Variants in MAP7D2 observed in about 807,000 individuals in gnomAD.
MAP7D2 encodes the protein MAP7 domain-containing protein 2.
Under a neutral mutation model 63.5 loss-of-function variants are expected in MAP7D2, and 33 were observed. The observed-to-expected ratio is 0.52, with a 90% CI of 0.39 to 0.70. The LOEUF is 0.70. MAP7D2 is among the 30% of genes least tolerant of loss of function. The pLI is 0.00. For missense variants in MAP7D2, 626 were observed against 604.0 expected (o/e 1.04, Z -0.38); for synonymous variants, 224 against 223.7 (o/e 1.00, Z -0.01).
chrX:20,109,266 A>G (rs2066661207), intron 1 of MAP7D2, among the ~76,000 whole-genome samples: 1 of 110,035 alleles, frequency 9.1e-6, no homozygotes, highest in African/African-American at 3.3e-5. Context: ...TCACGCCTAT[A>G]ATCCCAGCAC....
chrX:20,096,492 C>T (rs983883586), intron 1 of MAP7D2, among the ~76,000 whole-genome samples: 3 of 105,642 alleles, frequency 2.8e-5, no homozygotes, highest in Admixed American at 1.0e-4. Flanking sequence ...ACATACAACA[C>T]GAATGAACCT....
At chrX:20,049,919 CAT>C in intron 6 of MAP7D2, 4 of 299,243 alleles carry the variant, frequency 1.3e-5, no homozygotes, top group South Asian at 1.3e-4. Context: ...TTTTGATTTG[CAT>C]TTCCCTAATG....
chrX:20,109,161 C>T (rs1367317156), intron 1 of MAP7D2, among the ~76,000 whole-genome samples: 1 of 107,689 alleles, frequency 9.3e-6, no homozygotes, highest in African/African-American at 3.4e-5. Flanking sequence ...ATGTGGGAGA[C>T]ACAGCTCATG....
At chrX:20,107,166 T>C (rs2066592656) in intron 1 of MAP7D2, among the ~76,000 whole-genome samples, 1 of 110,746 alleles carries the variant, frequency 9.0e-6, no homozygotes. Context: ...TGGAGAGGAT[T>C]GTGAGGGACC....
intron 8 of MAP7D2, among the ~76,000 whole-genome samples, chrX:20,039,424 C>T (rs1480967414): frequency 8.9e-6 from 1 of 112,044 alleles, no homozygotes; most frequent in Non-Finnish European, 1.9e-5. Context: ...GATTGGTATG[C>T]TTCCAGTTGT....
At chrX:20,032,813 C>T (rs1454465631) in intron 8 of MAP7D2, among the ~76,000 whole-genome samples, 1 of 112,099 alleles carries the variant, frequency 8.9e-6, no homozygotes, top group Non-Finnish European at 1.9e-5. Context: ...ATACAGCAGA[C>T]AAGTAAGGCT....
In MAP7D2 at chrX:20,082,671, G is replaced by A. The variant is rs190486657; in HGVS notation, c.131-17866C>T. On this transcript the variant is annotated intron_variant, in intron 1 of 16. Transcript: ENST00000379643. ...TGAGACGGAGTCTCGCACTGTTGTC[G>A]GGGCTGCAGTGCAATGGCGCGATCT... Among the ~76,000 whole-genome samples, 187 of 111,677 alleles carry A rather than the reference G, an allele frequency of 1.7e-3. 1 individual carries two copies. Among genetic ancestry groups the A allele is most frequent in the Admixed American group, 0.016 (167 of 10,520 alleles).
chrX:20,088,716 G>T (rs1047503195), intron 1 of MAP7D2, among the ~76,000 whole-genome samples: 3 of 109,899 alleles, frequency 2.7e-5, no homozygotes, highest in Non-Finnish European at 5.7e-5. Context: ...TTGAAGAAAA[G>T]AAGATTTAAT....
At chrX:20,066,425 T>C (rs2065364361) in intron 1 of MAP7D2, among the ~76,000 whole-genome samples, 1 of 111,715 alleles carries the variant, frequency 9.0e-6, no homozygotes, top group African/African-American at 3.3e-5. Context: ...AAACACTGGA[T>C]TGTCATGATT....
intron 4 of MAP7D2, 36 bp downstream of exon 4, chrX:20,056,644 C>T (rs773604247): frequency 1.8e-6 from 2 of 1,130,839 alleles, no homozygotes; most frequent in Admixed American, 4.4e-5. Context: ...TATTTCCCAC[C>T]CAGGACCTGA....
intron 1 of MAP7D2, chrX:20,116,484 C>T (rs1260350518): frequency 1.3e-6 from 1 of 764,201 alleles, no homozygotes; most frequent in Middle Eastern, 6.4e-4. Context: ...CCATCCCAAA[C>T]ACACCTGCCG....
intron 1 of MAP7D2, among the ~76,000 whole-genome samples, chrX:20,107,415 A>C (rs895033696): frequency 9.0e-6 from 1 of 110,800 alleles, no homozygotes; most frequent in Non-Finnish European, 1.9e-5. Context: ...TACTAAAAAT[A>C]CAAAAATTAG....
chrX:20,099,594 T>C (rs2066374034), intron 1 of MAP7D2, among the ~76,000 whole-genome samples: 1 of 112,018 alleles, frequency 8.9e-6, no homozygotes, highest in African/African-American at 3.2e-5. Context: ...TCTGCAGACA[T>C]TCCAACCTCA....
Position 20,011,503 on chromosome X carries a change from T to C in MAP7D2, c.2073-451A>G, listed in dbSNP as rs187689061. 3.9e-3 allele frequency among the ~76,000 whole-genome samples: 438 copies of C among 112,597 alleles called. 2 individuals carry two copies. Among genetic ancestry groups the C allele is most frequent in the African/African-American group, 0.013 (409 of 31,031 alleles). On this transcript the variant is annotated intron_variant, in intron 15 of 16. Transcript: ENST00000379643. ...TCTAGTAGTGCCACCTTGGGCGAAT[T>C]GCTTTTCCTTCCTGCAGCCTCAGTT...
At chrX:20,018,718 C>T (rs966707513) in intron 10 of MAP7D2, among the ~76,000 whole-genome samples, 2 of 111,166 alleles carry the variant, frequency 1.8e-5, no homozygotes, top group African/African-American at 6.5e-5. Context: ...GCTGGGATTA[C>T]AGGTTTGAGC....
chrX:20,113,656 C>T (rs771808869), intron 1 of MAP7D2, among the ~76,000 whole-genome samples: 1 of 111,491 alleles, frequency 9.0e-6, no homozygotes, highest in South Asian at 3.8e-4. Context: ...CTCGGGCCCA[C>T]TCTACTTTTT....
At chrX:20,027,376 G>C (rs1406771665) in intron 8 of MAP7D2, among the ~76,000 whole-genome samples, 1 of 111,594 alleles carries the variant, frequency 9.0e-6, no homozygotes, top group Non-Finnish European at 1.9e-5. Context: ...TTTTTTCCTA[G>C]ACTTTTACCA....
At chrX:20,036,600 A>G (rs2064494242) in intron 8 of MAP7D2, among the ~76,000 whole-genome samples, 1 of 106,391 alleles carries the variant, frequency 9.4e-6, no homozygotes. Flanking sequence ...AACTAAAATA[A>G]AAGTTTTTTA....
chrX:20,028,690 G>A (rs1414030805), intron 8 of MAP7D2, among the ~76,000 whole-genome samples: 2 of 111,837 alleles, frequency 1.8e-5, no homozygotes, highest in East Asian at 2.8e-4. Context: ...CAACCACCAC[G>A]AGGGTGTCTC....
Sources: allele counts gnomAD v4.1 joint callset (sites outside exome capture counted in the v4.1 genomes callset), GRCh38; gene constraint gnomAD v4.1.1; transcripts MANE v1.5; gene names NCBI Gene and HGNC (gene_info 2026-07-23, HGNC 2026-07-21).